Variants in EIF4EBP2 observed in about 807,000 individuals in gnomAD.
EIF4EBP2 encodes eukaryotic translation initiation factor 4E binding protein 2, also known as eukaryotic translation initiation factor 4E-binding protein 2.
Under a neutral mutation model 10.3 loss-of-function variants are expected in EIF4EBP2, and 5 were observed. The ratio of observed to expected loss-of-function variants is 0.48; its 90% confidence interval spans 0.25 to 1.02. The LOEUF (loss-of-function observed/expected upper bound fraction) is 1.02, where lower values mean the gene tolerates loss of function less well. EIF4EBP2 is among the 50% of genes least tolerant of loss of function. The pLI is 0.15. For synonymous variants in EIF4EBP2, 67 were observed against 61.1 expected (o/e 1.10, Z -0.45); for missense variants, 188 against 162.2 (o/e 1.16, Z -0.86).
intron 1 of EIF4EBP2, among the ~76,000 whole-genome samples, chr10:70,418,142 TG>T (rs1401199327): frequency 3.3e-5 from 5 of 152,256 alleles, no homozygotes; most frequent in Non-Finnish European, 7.4e-5. Flanking sequence ...ACCCTCATGA[TG>T]GGATTTGTGC....
rs892690627 is a variant in EIF4EBP2 at position 70,416,595 on chromosome 10, A to C, written c.146-3319A>C. Among the ~76,000 whole-genome samples the C allele has an allele frequency of 4.0e-5, 6 of 148,816 alleles. No homozygotes were observed. The South Asian group carries it at 6.4e-4, about 16-fold the overall frequency. ...TCTGTCTCAAAAAAAAAAAAAAAAA[A>C]CCAGGCAATTTTTCAAAGGGTTAAA... On this transcript the variant is annotated intron_variant, in intron 1 of 2. Coordinates refer to ENST00000373218, the MANE Select transcript of EIF4EBP2 (RefSeq NM_004096.5).
chr10:70,409,606 G>A (rs1589146097), intron 1 of EIF4EBP2, among the ~76,000 whole-genome samples: 1 of 152,130 alleles, frequency 6.6e-6, no homozygotes, highest in African/African-American at 2.4e-5. Flanking sequence ...ATCTTACTAG[G>A]AAAGGAAGTT....
At chr10:70,404,683 C>A in intron 1 of EIF4EBP2, 137 bp downstream of exon 1, 2 of 1,195,768 alleles carry the variant, frequency 1.7e-6, no homozygotes, top group Non-Finnish European at 2.2e-6. Flanking sequence ...TGGGCCCGCC[C>A]GAGCGTTCGG....
At chr10:70,412,401 G>T in intron 1 of EIF4EBP2, among the ~76,000 whole-genome samples, 1 of 151,146 alleles carries the variant, frequency 6.6e-6, no homozygotes, top group African/African-American at 2.4e-5. Flanking sequence ...CCGGGGGGTG[G>T]GGGTGGGGGC....
At chr10:70,406,009 TCTCA>T (rs1457661851) in intron 1 of EIF4EBP2, among the ~76,000 whole-genome samples, 2 of 152,154 alleles carry the variant, frequency 1.3e-5, no homozygotes, top group Admixed American at 1.3e-4. Flanking sequence ...TGGTACAGGG[TCTCA>T]CTCTGTCGCC....
At chr10:70,419,876 T>A (rs1338616461) in intron 1 of EIF4EBP2, 38 bp from the exon 2 acceptor site, 14 of 1,479,918 alleles carry the variant, frequency 9.5e-6, no homozygotes, top group Non-Finnish European at 1.3e-5. Context: ...TGATAACCCC[T>A]TAAATTGTTT....
chr10:70,418,518 T>C (rs1010684442), intron 1 of EIF4EBP2, among the ~76,000 whole-genome samples: 1 of 152,196 alleles, frequency 6.6e-6, no homozygotes, highest in Non-Finnish European at 1.5e-5. Context: ...TTGATAGGGC[T>C]TAGAGACTTC....
Position 70,420,052 on chromosome 10 carries a change from T to G in EIF4EBP2, c.284T>G (p.Val95Gly), listed in dbSNP as rs138038732. Reference sequence around the variant, plus strand: ...TTAATTGAAGACTCCAAAGTAGAAGTAAACAATTTGAACAACTTGAACAAT... The same window carrying G: ...TTAATTGAAGACTCCAAAGTAGAAGGAAACAATTTGAACAACTTGAACAAT... Reference protein sequence around the residue: ...GTLIEDSKVEVNNLNNLNNHD... With the variant: ...GTLIEDSKVEGNNLNNLNNHD... Residue 95 changes from valine to glycine, a missense_variant, in exon 2 of 3, where the codon GTA (valine) becomes GGA (glycine). Val to Gly is a moderately radical substitution (Grantham distance 109). Transcript: ENST00000373218. The G allele has an allele frequency of 3.2e-5, 52 of 1,611,654 alleles. No homozygotes were observed. Among genetic ancestry groups the G allele is most frequent in the Non-Finnish European group, 4.2e-5 (50 of 1,179,300 alleles).
rs1281084247 is a variant in EIF4EBP2, at chr10:70,427,848, A to C, written c.*6101A>C. 6.6e-6 allele frequency: 1 copy of C among 151,810 alleles called. No homozygotes were observed. The highest frequency in any genetic ancestry group is 1.5e-5 in the Non-Finnish European group (1 of 67,942). The allele number at this position is 151,810 out of a possible 1,614,324, so 9.4% of individuals were successfully genotyped here. On this transcript the variant is annotated 3_prime_UTR_variant, in exon 3 of 3. Transcript: ENST00000373218. ...TGGCCACACTGAAATTTCCAAAGGGAGCTCTTGCCGGTGCTTAAAACCAAA... is the reference window on the plus strand; with the variant it reads ...TGGCCACACTGAAATTTCCAAAGGGCGCTCTTGCCGGTGCTTAAAACCAAA...
At position 70,407,731 on chromosome 10, in the gene EIF4EBP2, C is replaced by A. The variant is rs1295272536; in HGVS notation, c.145+3185C>A. Among the ~76,000 whole-genome samples the A allele has an allele frequency of 1.3e-3, 5 of 3,926 alleles. No homozygotes were observed. In the East Asian group the frequency reaches 0.18, roughly 140 times the overall value. The allele number at this position is 3,926 out of a possible 152,430, so 2.6% of individuals were successfully genotyped here. ...GCTCACCTCCCGGGCGGGGGGCTGA[C>A]CCCCCCCCCACCTCCCTCCCAGACG... is the stretch of plus-strand genomic sequence containing the variant. On this transcript the variant is annotated intron_variant, in intron 1 of 2. Coordinates refer to ENST00000373218, the MANE Select transcript of EIF4EBP2 (RefSeq NM_004096.5).
chr10:70,420,131 C>T lies in EIF4EBP2; in HGVS notation c.331+32C>T, dbSNP rs773424260. 19 of 1,541,768 alleles carry T rather than the reference C, an allele frequency of 1.2e-5. No individual in the cohort carries two copies. The East Asian group carries it at 2.4e-4, about 19-fold the overall frequency. The stretch of plus-strand genomic sequence containing the variant: ...GAATGGCGATGTTGGAGACCTAGAG[C>T]GTGGCTCTTGGAATTTGAATGTCTG... On this transcript the variant is annotated intron_variant, in intron 2 of 2. Transcript: ENST00000373218.
intron 1 of EIF4EBP2, among the ~76,000 whole-genome samples, chr10:70,409,270 G>A (rs1845016633): frequency 6.6e-6 from 1 of 151,898 alleles, no homozygotes; most frequent in Non-Finnish European, 1.5e-5. Context: ...TTTTTGTTGG[G>A]CAAATTCCAG....
intron 1 of EIF4EBP2, among the ~76,000 whole-genome samples, chr10:70,413,303 C>T (rs1227152137): frequency 6.6e-6 from 1 of 152,114 alleles, no homozygotes; most frequent in African/African-American, 2.4e-5. Flanking sequence ...CTTTACTTTG[C>T]TGGTATGTAA....
At chr10:70,420,887 C>T (rs1421353220) in intron 2 of EIF4EBP2, among the ~76,000 whole-genome samples, 7 of 151,968 alleles carry the variant, frequency 4.6e-5, no homozygotes, top group Non-Finnish European at 8.8e-5. Flanking sequence ...CTCTGGTTCC[C>T]GGGTTCACGC....
intron 1 of EIF4EBP2, among the ~76,000 whole-genome samples, chr10:70,416,921 C>T (rs1237081923): frequency 1.3e-5 from 2 of 152,024 alleles, no homozygotes; most frequent in Non-Finnish European, 2.9e-5. Flanking sequence ...CGTTGGCCTC[C>T]CAAAGTGCTG....
At chr10:70,407,618 T>A (rs1844985359) in intron 1 of EIF4EBP2, among the ~76,000 whole-genome samples, 1 of 152,024 alleles carries the variant, frequency 6.6e-6, no homozygotes, top group African/African-American at 2.4e-5. Flanking sequence ...CCGTTCTCAA[T>A]GAGCTGTTGA....
intron 1 of EIF4EBP2, among the ~76,000 whole-genome samples, chr10:70,412,359 A>C (rs369378292): frequency 2.2e-5 from 3 of 137,092 alleles, no homozygotes; most frequent in East Asian, 4.9e-4. Context: ...TTCTGGAAGC[A>C]GACTTAGTTA....
At position 70,404,390 on chromosome 10, in the gene EIF4EBP2, G is replaced by T; in HGVS notation, c.-12G>T. On this transcript the variant is annotated 5_prime_UTR_variant, in exon 1 of 3. Transcript: ENST00000373218. ...GCCCGCCGGACAAAGCCGAGAGCCC[G>T]CGCCCACAGCCATGTCCTCGTCAGC... is the stretch of plus-strand genomic sequence containing the variant. 1 of 1,553,500 alleles carries T rather than the reference G, an allele frequency of 6.4e-7. No homozygotes were observed. The highest frequency in any genetic ancestry group is 2.6e-5 in the East Asian group (1 of 38,986).
chr10:70,404,370 C>G lies in EIF4EBP2; in HGVS notation c.-32C>G. ...CGGCCCCGCCGCCGCCGCCTGCCCG[C>G]CGGACAAAGCCGAGAGCCCGCGCCC... On this transcript the variant is annotated 5_prime_UTR_variant, in exon 1 of 3. Transcript: ENST00000373218. 6.6e-7 allele frequency: 1 copy of G among 1,520,302 alleles called. No individual in the cohort carries two copies. The highest frequency in any genetic ancestry group is 2.8e-5 in the East Asian group (1 of 36,180). 94.2% of individuals were successfully genotyped at this position (1,520,302 alleles called of 1,614,324 possible). A position where few individuals can be genotyped will look rare whatever the true frequency, so the allele number is the denominator to read the frequency against.
Sources: gnomAD v4.1 joint callset for allele counts (sites outside exome capture counted in the v4.1 genomes callset) on GRCh38, gnomAD v4.1.1 for gene constraint, MANE v1.5 for transcripts, NCBI Gene and HGNC (gene_info 2026-07-23, HGNC 2026-07-21) for gene names.